The following PDE10A variants were observed in gnomAD, a reference collection of about 807,000 sequenced individuals.
The protein encoded by PDE10A is cAMP and cAMP-inhibited cGMP 3',5'-cyclic phosphodiesterase 10A.
Under a neutral mutation model 97.7 loss-of-function variants are expected in PDE10A, and 39 were observed. That is an observed-to-expected ratio of 0.40 (90% CI 0.31 to 0.52). The LOEUF (loss-of-function observed/expected upper bound fraction) is 0.52, where lower values mean the gene tolerates loss of function less well. Among genes scored for constraint, PDE10A ranks in the 20% least tolerant of loss-of-function variants. PDE10A has a pLI of 0.56. For missense variants in PDE10A, 731 were observed against 1,047.8 expected, an observed-to-expected ratio of 0.70 and a Z score of 4.17; for synonymous variants, 371 against 376.8, an observed-to-expected ratio of 0.98 and a Z score of 0.18.
chr6:165,665,234 A>G (rs766560757), upstream of PDE10A, among the ~76,000 whole-genome samples: 23 of 152,220 alleles, frequency 1.5e-4, no homozygotes, highest in Non-Finnish European at 3.2e-4. Context: ...TAAGTCTCAG[A>G]GGCATTCAGC....
intron 1 of PDE10A, among the ~76,000 whole-genome samples, chr6:165,598,804 A>C (rs1195119281): frequency 5.3e-5 from 8 of 152,212 alleles, no homozygotes; most frequent in Non-Finnish European, 1.2e-4. Flanking sequence ...TTTTAAACTA[A>C]TAGCCCAGCA....
chr6:165,846,026 C>G (rs1780407728), intron 1 of PDE10A, among the ~76,000 whole-genome samples: 1 of 152,054 alleles, frequency 6.6e-6, no homozygotes, highest in African/African-American at 2.4e-5. Context: ...GGCATGGGGG[C>G]GGGTTGATGC....
chr6:165,561,877 A>G (rs1784540507), intron 1 of PDE10A, among the ~76,000 whole-genome samples: 1 of 152,260 alleles, frequency 6.6e-6, no homozygotes, highest in Non-Finnish European at 1.5e-5. Flanking sequence ...AAATTTTAGC[A>G]TTATTATTTT....
rs150160507 is a variant in PDE10A at position 165,683,420 on chromosome 6, G to GCA, written c.-614-139854_-614-139853dup. Among the ~76,000 whole-genome samples, 531 of 151,792 alleles carry GCA rather than the reference G, an allele frequency of 3.5e-3. 3 individuals carry two copies. The highest frequency in any genetic ancestry group is 0.012 in the African/African-American group (508 of 41,400). On this transcript the variant is annotated intron_variant, in intron 1 of 19. Coordinates refer to the PDE10A transcript ENST00000366882. ...TGCAGACACATACACAGATGCTCAA[G>GCA]CACACACACACACGCGCTCACACAC...
intron 18 of PDE10A, among the ~76,000 whole-genome samples, chr6:165,364,695 T>A (rs964999297): frequency 3.9e-5 from 6 of 152,330 alleles, no homozygotes; most frequent in African/African-American, 1.4e-4. Context: ...TTAACAATCA[T>A]CTTTTCTGTC....
In PDE10A at chr6:165,783,025, G is replaced by A. The variant is rs902021846; in HGVS notation, c.-615+204504C>T. On this transcript the variant is annotated intron_variant, in intron 1 of 19. Transcript: ENST00000366882. ...TCTGATGCTCTACATACACTTCCTC[G>A]CTTATAAATTCATGAGTATGTGACT... 5.4e-5 allele frequency among the ~76,000 whole-genome samples: 8 copies of A among 148,508 alleles called. No homozygotes were observed. The South Asian group carries it at 1.3e-3, about 24-fold the overall frequency.
At chr6:165,843,432 T>C (rs1011024910) in intron 1 of PDE10A, among the ~76,000 whole-genome samples, 6 of 152,114 alleles carry the variant, frequency 3.9e-5, no homozygotes, top group Non-Finnish European at 5.9e-5. Context: ...TACCCTAGGC[T>C]CGGTAATTTA....
chr6:165,652,644 G>C (rs1010349600), intron 1 of PDE10A, among the ~76,000 whole-genome samples: 27 of 152,126 alleles, frequency 1.8e-4, no homozygotes, highest in African/African-American at 6.5e-4. Context: ...CCCATCCCTG[G>C]ACTGCAACTC....
chr6:165,530,998 C>G (rs1365874839), intron 2 of PDE10A, among the ~76,000 whole-genome samples: 1 of 152,112 alleles, frequency 6.6e-6, no homozygotes, highest in Non-Finnish European at 1.5e-5. Flanking sequence ...ATGACAGATC[C>G]TTGACCACTT....
At chr6:165,653,119 T>A (rs1789764623) in intron 1 of PDE10A, among the ~76,000 whole-genome samples, 1 of 152,202 alleles carries the variant, frequency 6.6e-6, no homozygotes, top group Non-Finnish European at 1.5e-5. Flanking sequence ...TACAATCACA[T>A]TATGTATTTC....
intron 5 of PDE10A, among the ~76,000 whole-genome samples, chr6:165,445,428 G>A (rs1790776802): frequency 1.3e-5 from 2 of 152,168 alleles, no homozygotes; most frequent in Non-Finnish European, 2.9e-5. Context: ...TGACTGAATA[G>A]ACTGATCTTC....
chr6:165,890,040 C>CTCCCTCACTCT (rs1781747214), intron 1 of PDE10A, among the ~76,000 whole-genome samples: 1 of 137,476 alleles, frequency 7.3e-6, no homozygotes, highest in Non-Finnish European at 1.6e-5. Flanking sequence ...TCCCTCACTC[C>CTCCCTCACTCT]TCCCTCACTC....
chr6:165,756,338 A>T (rs539261368), intron 1 of PDE10A, among the ~76,000 whole-genome samples: 5 of 152,290 alleles, frequency 3.3e-5, no homozygotes, highest in African/African-American at 9.6e-5. Context: ...AAAATTTTTT[A>T]AAAATTATAA....
At chr6:165,544,290 T>G (rs984959937) in intron 1 of PDE10A, among the ~76,000 whole-genome samples, 1 of 152,234 alleles carries the variant, frequency 6.6e-6, no homozygotes, top group African/African-American at 2.4e-5. Flanking sequence ...TTCGTTAATA[T>G]TCTGTGTATG....
chr6:165,800,752 G>T (rs1778961754), intron 1 of PDE10A, among the ~76,000 whole-genome samples: 1 of 152,242 alleles, frequency 6.6e-6, no homozygotes, highest in Non-Finnish European at 1.5e-5. Context: ...GAGCCCATTT[G>T]GTGCCGCTAG....
intron 1 of PDE10A, among the ~76,000 whole-genome samples, chr6:165,979,793 C>T (rs1235381563): frequency 6.6e-6 from 1 of 152,198 alleles, no homozygotes; most frequent in Admixed American, 6.5e-5. Flanking sequence ...GTGCGAAAGT[C>T]ACGACACTCA....
At position 165,908,898 on chromosome 6, in the gene PDE10A, ACTG is replaced by A. The variant is rs1255115444; in HGVS notation, c.-615+78628_-615+78630del. 3 of 152,278 alleles carry A rather than the reference ACTG, an allele frequency of 2.0e-5. No homozygotes were observed. The East Asian group carries it at 5.8e-4, about 29-fold the overall frequency. 9.4% of individuals were successfully genotyped at this position (152,278 alleles called of 1,614,324 possible). A position where few individuals can be genotyped will look rare whatever the true frequency, so the allele number is the denominator to read the frequency against. On this transcript the variant is annotated intron_variant, in intron 1 of 19. Coordinates refer to the PDE10A transcript ENST00000366882. Reference sequence around the variant, plus strand: ...TTCCTCCACCCACCACACGCTGTCCACTGCAGCCTGTTAACTGAAGGACACGTC... The same window carrying A: ...TTCCTCCACCCACCACACGCTGTCCACAGCCTGTTAACTGAAGGACACGTC...
At chr6:165,634,368 C>T (rs1025663401) in intron 1 of PDE10A, among the ~76,000 whole-genome samples, 1 of 152,032 alleles carries the variant, frequency 6.6e-6, no homozygotes, top group Non-Finnish European at 1.5e-5. Context: ...CTAGGAGAAA[C>T]CTCAAGCTGA....
intron 2 of PDE10A, among the ~76,000 whole-genome samples, chr6:165,525,724 G>A (rs1187750011): frequency 2.6e-5 from 4 of 152,118 alleles, no homozygotes; most frequent in Admixed American, 1.3e-4. Context: ...AAGGTGGCAG[G>A]GGCCAAGTGG....
Sources: gnomAD v4.1 joint callset for allele counts (sites outside exome capture counted in the v4.1 genomes callset) on GRCh38, gnomAD v4.1.1 for gene constraint, MANE v1.5 for transcripts, NCBI Gene and HGNC (gene_info 2026-07-23, HGNC 2026-07-21) for gene names.